GFRA1: variants seen among roughly 807,000 people sequenced by gnomAD.
GFRA1 encodes GDNF family receptor alpha-1.
In GFRA1, 16 loss-of-function variants were observed where a neutral mutation model predicts 51.6. The observed-to-expected ratio is 0.31, with a 90% CI of 0.21 to 0.47. The LOEUF (loss-of-function observed/expected upper bound fraction) is 0.47, where lower values mean the gene tolerates loss of function less well. Ranked by LOEUF, GFRA1 falls within the 20% of genes least tolerant of loss-of-function variation. GFRA1 has a pLI of 1.00. For missense variants in GFRA1, 530 were observed against 594.3 expected (o/e 0.89, Z 1.13); for synonymous variants, 270 against 241.3 (o/e 1.12, Z -1.10).
At chr10:116,249,273 TG>T (rs1374269824) in intron 4 of GFRA1, among the ~76,000 whole-genome samples, 1 of 152,152 alleles carries the variant, frequency 6.6e-6, no homozygotes, top group Non-Finnish European at 1.5e-5. Context: ...CAGTCCAGGA[TG>T]GTGTACATGA....
intron 6 of GFRA1, among the ~76,000 whole-genome samples, chr10:116,104,929 A>G (rs995298585): frequency 3.3e-5 from 5 of 152,120 alleles, no homozygotes; most frequent in African/African-American, 9.7e-5. Flanking sequence ...TATTTATCCC[A>G]ATGCGCAAAC....
chr10:116,210,842 C>T (rs903888853), intron 5 of GFRA1, among the ~76,000 whole-genome samples: 2 of 151,896 alleles, frequency 1.3e-5, no homozygotes, highest in South Asian at 4.1e-4. Context: ...CAACATATTT[C>T]CCAGCTTGAC....
upstream of GFRA1, among the ~76,000 whole-genome samples, chr10:116,274,696 G>C (rs1007158351): frequency 4.3e-4 from 66 of 152,148 alleles, no homozygotes; most frequent in Non-Finnish European, 9.4e-4. Context: ...TGTTCCTCCA[G>C]GGTAAGTATG....
At chr10:116,268,014 A>G (rs1969809990) in intron 4 of GFRA1, among the ~76,000 whole-genome samples, 1 of 152,044 alleles carries the variant, frequency 6.6e-6, no homozygotes, top group Admixed American at 6.5e-5. Context: ...ATGTAGAGAA[A>G]TGCTTCTCAA....
intron 5 of GFRA1, among the ~76,000 whole-genome samples, chr10:116,131,585 G>A (rs1298251033): frequency 6.6e-6 from 1 of 152,084 alleles, no homozygotes; most frequent in East Asian, 1.9e-4. Context: ...GAAATAAGAA[G>A]AGATGAACTG....
chr10:116,185,774 C>T (rs117111168), intron 5 of GFRA1, among the ~76,000 whole-genome samples: 3,163 of 152,254 alleles, frequency 0.021, 52 homozygotes, highest in Middle Eastern at 0.031. Context: ...ATCATTTGCA[C>T]GGGAATTCTA....
At chr10:116,229,599 CT>C (rs1966553915) in intron 4 of GFRA1, among the ~76,000 whole-genome samples, 4 of 152,194 alleles carry the variant, frequency 2.6e-5, no homozygotes, top group Admixed American at 2.0e-4. Context: ...TCCTTAGGAG[CT>C]GCATGATGTT....
chr10:116,070,024 T>G (rs1955304730), intron 9 of GFRA1, among the ~76,000 whole-genome samples: 1 of 152,168 alleles, frequency 6.6e-6, no homozygotes, highest in Non-Finnish European at 1.5e-5. Flanking sequence ...GATGGAACAT[T>G]TCTCTCTCCT....
intron 5 of GFRA1, among the ~76,000 whole-genome samples, chr10:116,143,898 G>A (rs552296234): frequency 5.3e-5 from 8 of 152,248 alleles, no homozygotes; most frequent in Middle Eastern, 3.4e-3. Context: ...AAGTGTTGAC[G>A]GCTTTGCTAA....
chr10:116,096,115 A>G (rs554274429), intron 7 of GFRA1, among the ~76,000 whole-genome samples: 1 of 152,262 alleles, frequency 6.6e-6, no homozygotes, highest in African/African-American at 2.4e-5. Flanking sequence ...GTCTGTTTTC[A>G]GGAAAAAAAA....
chr10:116,267,380 C>T (rs1197417892), intron 4 of GFRA1, among the ~76,000 whole-genome samples: 2 of 152,030 alleles, frequency 1.3e-5, no homozygotes, highest in African/African-American at 4.8e-5. Context: ...GCAGGAGAAT[C>T]ACTTGAACAC....
At chr10:116,161,486 AT>A (rs1959786955) in intron 5 of GFRA1, among the ~76,000 whole-genome samples, 1 of 152,192 alleles carries the variant, frequency 6.6e-6, no homozygotes, top group South Asian at 2.1e-4. Context: ...ATGAAAATGT[AT>A]ACCCTATTGA....
chr10:116,196,505 T>A (rs538667171), intron 5 of GFRA1, among the ~76,000 whole-genome samples: 46 of 137,398 alleles, frequency 3.3e-4, no homozygotes, highest in African/African-American at 1.2e-3. Context: ...TATATATATA[T>A]AATATATATT....
intron 8 of GFRA1, among the ~76,000 whole-genome samples, 199 bp downstream of exon 8, chr10:116,093,503 G>A (rs745711476): frequency 1.7e-4 from 26 of 152,072 alleles, no homozygotes; most frequent in Non-Finnish European, 2.9e-4. Context: ...ACACGGGGTG[G>A]CCCACAAAAG....
intron 10 of GFRA1, 122 bp from the exon 11 acceptor site, chr10:116,064,666 T>C (rs1955013660): frequency 2.4e-6 from 2 of 847,460 alleles, no homozygotes; most frequent in South Asian, 2.7e-5. Context: ...CTGACCAAGA[T>C]TTTACCACTG....
chr10:116,073,083 A>G (rs1955474388), intron 9 of GFRA1, among the ~76,000 whole-genome samples: 1 of 152,210 alleles, frequency 6.6e-6, no homozygotes, highest in Non-Finnish European at 1.5e-5. Context: ...CTCAGATTCA[A>G]AAATGAATGC....
chr10:116,113,468 C>T (rs1217845691), intron 6 of GFRA1, among the ~76,000 whole-genome samples: 1 of 152,160 alleles, frequency 6.6e-6, no homozygotes, highest in Non-Finnish European at 1.5e-5. Flanking sequence ...CCAAAGAGCA[C>T]TTAAGCCCTA....
At chr10:116,245,771 T>A (rs1377105023) in intron 4 of GFRA1, among the ~76,000 whole-genome samples, 1 of 152,110 alleles carries the variant, frequency 6.6e-6, no homozygotes, top group Non-Finnish European at 1.5e-5. Context: ...AAAAGTGAAC[T>A]ATCAAGCCAC....
At chr10:116,118,926 G>A (rs186209822) in intron 6 of GFRA1, among the ~76,000 whole-genome samples, 17 of 152,290 alleles carry the variant, frequency 1.1e-4, no homozygotes, top group African/African-American at 3.8e-4. Flanking sequence ...ACTAGACAGG[G>A]ACAGGCTCCA....
Sources: allele counts gnomAD v4.1 joint callset (sites outside exome capture counted in the v4.1 genomes callset), GRCh38; gene constraint gnomAD v4.1.1; transcripts MANE v1.5; gene names NCBI Gene and HGNC (gene_info 2026-07-23, HGNC 2026-07-21).